MAML2: variants seen among roughly 807,000 people sequenced by gnomAD.
MAML2 encodes the protein mastermind like transcriptional coactivator 2.
A neutral mutation model predicts 96.1 loss-of-function variants in MAML2; 22 were observed. That is an observed-to-expected ratio of 0.23 (90% CI 0.16 to 0.33). The LOEUF (loss-of-function observed/expected upper bound fraction) is 0.33, where lower values mean the gene tolerates loss of function less well. Ranked by LOEUF, MAML2 falls within the 10% of genes least tolerant of loss-of-function variation. The probability of loss-of-function intolerance (pLI) is 1.00; values close to 1 mark genes in which losing one functional copy is unlikely to be tolerated. For missense variants in MAML2, 1,367 were observed against 1,392.4 expected, an observed-to-expected ratio of 0.98 and a Z score of 0.29; for synonymous variants, 561 against 521.3, an observed-to-expected ratio of 1.08 and a Z score of -1.04.
chr11:96,106,301 T>C (rs1384175920), intron 1 of MAML2, among the ~76,000 whole-genome samples: 2 of 152,206 alleles, frequency 1.3e-5, no homozygotes, highest in Non-Finnish European at 2.9e-5. Flanking sequence ...CAGGTCAAAA[T>C]TGTGAATCAA....
At chr11:96,003,475 C>T (rs905626927) in intron 2 of MAML2, among the ~76,000 whole-genome samples, 4 of 151,906 alleles carry the variant, frequency 2.6e-5, no homozygotes, top group East Asian at 1.9e-4. Context: ...ACTTTAAAGG[C>T]GATTGAGCTT....
At chr11:96,225,144 G>A (rs555748634) in intron 1 of MAML2, among the ~76,000 whole-genome samples, 1 of 152,282 alleles carries the variant, frequency 6.6e-6, no homozygotes, top group South Asian at 2.1e-4. Flanking sequence ...CCTGAGTGCA[G>A]GTTTGACTCA....
At chr11:96,273,935 T>G (rs1208251824) in intron 1 of MAML2, among the ~76,000 whole-genome samples, 1 of 152,156 alleles carries the variant, frequency 6.6e-6, no homozygotes, top group African/African-American at 2.4e-5. Context: ...ATCCTTATTT[T>G]TACATTTTTA....
intron 2 of MAML2, among the ~76,000 whole-genome samples, chr11:96,028,454 C>A (rs1476218146): frequency 6.6e-6 from 1 of 152,194 alleles, no homozygotes; most frequent in Non-Finnish European, 1.5e-5. Flanking sequence ...CTCTAAATCC[C>A]TCTGTCATGA....
At chr11:96,147,271 A>C (rs909705330) in intron 1 of MAML2, among the ~76,000 whole-genome samples, 5 of 152,238 alleles carry the variant, frequency 3.3e-5, no homozygotes, top group African/African-American at 1.2e-4. Flanking sequence ...CCCAAGTTTT[A>C]ACTTATATAT....
intron 2 of MAML2, among the ~76,000 whole-genome samples, chr11:96,090,660 C>T (rs1386730325): frequency 6.6e-6 from 1 of 152,136 alleles, no homozygotes. Context: ...ACTCCAAGTC[C>T]ATTCTCCAAA....
chr11:96,339,541 C>T (rs551902437), intron 1 of MAML2, among the ~76,000 whole-genome samples: 1 of 152,338 alleles, frequency 6.6e-6, no homozygotes, highest in South Asian at 2.1e-4. Flanking sequence ...CTTCACGGCC[C>T]CGCTCCGGCC....
In MAML2 at chr11:96,092,733, G is replaced by A. The variant is rs756268686; in HGVS notation, c.1298C>T (p.Ala433Val). The A allele has an allele frequency of 6.2e-7, 1 of 1,613,932 alleles. No individual in the cohort carries two copies. The highest frequency in any genetic ancestry group is 8.5e-7 in the Non-Finnish European group (1 of 1,179,894). Residue 433 changes from alanine (A) to valine (V), a missense_variant, in exon 2 of 5, where the codon GCC becomes GTC. Transcript: ENST00000524717. This position sits in a 1 kb window ranked among gnomAD's most constrained non-coding sequence, Gnocchi z 4.1. ...AGCAGCTATCTGTTTGAGCTGCTGG[G>A]CATGGGATACTTCCTGCCAGCTTGG... ...ALPSWQEVSH[A>V]QQLKQIAANR... is the part of the protein sequence containing the mutation.
intron 1 of MAML2, among the ~76,000 whole-genome samples, chr11:96,275,247 T>C (rs1299731535): frequency 1.3e-5 from 2 of 151,826 alleles, no homozygotes; most frequent in Non-Finnish European, 2.9e-5. Context: ...TTGCATTTTC[T>C]TCTTTATCCA....
chr11:96,067,886 G>GA (rs1186040252), intron 2 of MAML2, among the ~76,000 whole-genome samples: 3 of 152,096 alleles, frequency 2.0e-5, no homozygotes, highest in African/African-American at 7.2e-5. Flanking sequence ...AGGTCTTCTT[G>GA]ACCTTTGTAC....
rs536935083 is a variant in MAML2, at chr11:96,201,695, G to A, written c.514-108178C>T. Among the ~76,000 whole-genome samples, 178 of 152,136 alleles carry A rather than the reference G, an allele frequency of 1.2e-3. 5 individuals carry two copies. In the South Asian group the frequency reaches 0.035, roughly 30 times the overall value. On this transcript the variant is annotated intron_variant, in intron 1 of 4. Transcript: ENST00000524717. ...AGCACTTTGGGAGGCCAAGGCAGGCGGATCACGAGGTCAGGAGATCGAGAC... is the reference window on the plus strand; with the variant it reads ...AGCACTTTGGGAGGCCAAGGCAGGCAGATCACGAGGTCAGGAGATCGAGAC...
intron 2 of MAML2, among the ~76,000 whole-genome samples, chr11:95,999,027 T>C (rs1858041025): frequency 1.3e-5 from 2 of 152,170 alleles, no homozygotes; most frequent in Non-Finnish European, 2.9e-5. Context: ...GTCCTCTGTG[T>C]TAATTGTGTT....
In MAML2 at chr11:96,020,306, A is replaced by T. The variant is rs540990108; in HGVS notation, c.2140-28583T>A. 5.9e-4 allele frequency among the ~76,000 whole-genome samples: 89 copies of T among 151,898 alleles called. No homozygotes were observed. In the South Asian group the frequency reaches 0.011, roughly 18 times the overall value. On this transcript the variant is annotated intron_variant, in intron 2 of 4. Coordinates refer to ENST00000524717, the MANE Select transcript of MAML2 (RefSeq NM_032427.4). ...GAAAAGCAACTCTCTTCTGCCCAGG[A>T]CTCTATAGTCTGCTTCTTCTGCCAG...
At chr11:96,226,391 C>G (rs1047416236) in intron 1 of MAML2, among the ~76,000 whole-genome samples, 6 of 152,168 alleles carry the variant, frequency 3.9e-5, no homozygotes, top group Non-Finnish European at 8.8e-5. Flanking sequence ...TATATAGTCT[C>G]TCACACATAA....
At chr11:96,201,716 G>C (rs986468936) in intron 1 of MAML2, among the ~76,000 whole-genome samples, 11 of 146,330 alleles carry the variant, frequency 7.5e-5, no homozygotes, top group Non-Finnish European at 1.5e-4. Context: ...TCAGGAGATC[G>C]AGACCATCCT....
At chr11:96,086,343 T>C (rs1859613126) in intron 2 of MAML2, among the ~76,000 whole-genome samples, 1 of 152,180 alleles carries the variant, frequency 6.6e-6, no homozygotes, top group South Asian at 2.1e-4. Flanking sequence ...GATTCTTAAA[T>C]TTGAATGGAT....
intron 2 of MAML2, among the ~76,000 whole-genome samples, chr11:96,048,077 G>A (rs1858934962): frequency 6.6e-6 from 1 of 151,924 alleles, no homozygotes; most frequent in South Asian, 2.1e-4. Context: ...GACGTTTTAG[G>A]GTTCATACCC....
chr11:96,309,963 G>A (rs1201059545), intron 1 of MAML2, among the ~76,000 whole-genome samples: 1 of 152,028 alleles, frequency 6.6e-6, no homozygotes, highest in Non-Finnish European at 1.5e-5. Flanking sequence ...TTGGCCTTCA[G>A]AAGTGATTGG....
chr11:96,039,540 T>C (rs10501837), intron 2 of MAML2, among the ~76,000 whole-genome samples: 33,495 of 152,004 alleles, frequency 0.22, 4,569 homozygotes, highest in Non-Finnish European at 0.31. Flanking sequence ...AGCTTTGCAT[T>C]GAATATGGGA....
Sources: allele counts gnomAD v4.1 joint callset (sites outside exome capture counted in the v4.1 genomes callset), GRCh38; gene constraint gnomAD v4.1.1; non-coding constraint Gnocchi (gnomAD v3.1); transcripts MANE v1.5; gene names NCBI Gene and HGNC (gene_info 2026-07-23, HGNC 2026-07-21).